Variants in ADGRL1 observed in about 807,000 individuals in gnomAD.
ADGRL1 encodes CIRL-1.
In ADGRL1, 31 loss-of-function variants were observed where a neutral mutation model predicts 148.9. The ratio of observed to expected loss-of-function variants is 0.21; its 90% CI spans 0.16 to 0.28. ADGRL1 has a LOEUF of 0.28. Ranked by LOEUF, ADGRL1 falls within the 10% of genes least tolerant of loss-of-function variation. The pLI is 1.00. For missense variants in ADGRL1, 1,521 were observed against 2,058.8 expected, an observed-to-expected ratio of 0.74 and a Z score of 5.05; for synonymous variants, 937 against 900.3, an observed-to-expected ratio of 1.04 and a Z score of -0.73.
chr19:14,176,546 A>C (rs1386398471), intron 3 of ADGRL1, among the ~76,000 whole-genome samples: 1 of 151,882 alleles, frequency 6.6e-6, no homozygotes, highest in Admixed American at 6.6e-5. Flanking sequence ...GAGCTCTCAA[A>C]TCTGGGATGG....
At chr19:14,199,436 TA>T in intron 1 of ADGRL1, among the ~76,000 whole-genome samples, 2 of 151,738 alleles carry the variant, frequency 1.3e-5, no homozygotes, top group South Asian at 4.2e-4. Context: ...TTTTTTTTTT[TA>T]ATCGTATTTT....
chr19:14,158,317 G>T, intron 12 of ADGRL1, 21 bp downstream of exon 12: 1 of 1,603,370 alleles, frequency 6.2e-7, no homozygotes, highest in Non-Finnish European at 8.5e-7. Flanking sequence ...CCCATGGAGG[G>T]AGGGGGACGG....
chr19:14,156,574 G>GT, intron 16 of ADGRL1, 84 bp downstream of exon 16: 2 of 907,012 alleles, frequency 2.2e-6, no homozygotes, highest in Non-Finnish European at 3.3e-6. Context: ...TGTGGGGGGG[G>GT]TGGGGGGCGG....
rs1568619014 is a variant in ADGRL1 at position 14,184,650 on chromosome 19, T to TTTA, written c.-95-954_-95-953insTAA. ...TATTTATTTATTTATTTATTTATTT[T>TTTA]TTTTTCTGAGACGGAGTCGTGCTCT... is the stretch of plus-strand genomic sequence containing the variant. On this transcript the variant is annotated intron_variant, in intron 1 of 22. Coordinates refer to ENST00000361434, the MANE Select transcript of ADGRL1 (RefSeq NM_014921.5). 1.3e-3 allele frequency among the ~76,000 whole-genome samples: 167 copies of TTTA among 131,314 alleles called. 1 individual carries two copies. The highest frequency in any genetic ancestry group is 8.0e-3 in the South Asian group (35 of 4,360). 86.1% of individuals were successfully genotyped at this position (131,314 alleles called of 152,430 possible).
chr19:14,174,942 A>AT (rs1197610224), intron 3 of ADGRL1, among the ~76,000 whole-genome samples: 2 of 151,182 alleles, frequency 1.3e-5, no homozygotes, highest in Admixed American at 1.3e-4. Context: ...CCCGGGCCCA[A>AT]GTGATCCTCC....
At position 14,155,448 on chromosome 19, in the gene ADGRL1, C is replaced by T; in HGVS notation, c.3205G>A (p.Glu1069Lys). 1 of 1,614,168 alleles carries T rather than the reference C, an allele frequency of 6.2e-7. No homozygotes were observed. Among genetic ancestry groups the T allele is most frequent in the South Asian group, 1.1e-5 (1 of 91,088 alleles). ...AAGAGATAGGCCATGACCACCGACT[C>T]CTTGTTGATGAAGAGGAGGCCGAAA... ...WAFGLLFINK[E>K]SVVMAYLFTT... The change falls in exon 18 of 23, where the codon GAG (glutamate) becomes AAG (lysine). Residue 1069 changes from glutamate (E) to lysine (K), a missense_variant. Glu to Lys is a moderately conservative substitution (Grantham distance 56). Transcript: ENST00000361434. The surrounding 1 kb of genome is among the most constrained non-coding windows in gnomAD (Gnocchi z 5.0).
intron 4 of ADGRL1, chr19:14,169,275 C>G (rs1970266865): frequency 6.6e-6 from 1 of 152,244 alleles, no homozygotes; most frequent in Non-Finnish European, 1.5e-5. Flanking sequence ...CACATGTCAT[C>G]TCATGGACTC....
intron 1 of ADGRL1, among the ~76,000 whole-genome samples, chr19:14,189,624 C>T (rs565834044): frequency 2.0e-5 from 3 of 152,300 alleles, no homozygotes; most frequent in South Asian, 2.1e-4. Flanking sequence ...TTTATGGCTG[C>T]GTAGTATTCC....
intron 1 of ADGRL1, chr19:14,191,456 C>A (rs1032013987): frequency 1.5e-5 from 7 of 456,542 alleles, no homozygotes; most frequent in Non-Finnish European, 3.1e-5. Flanking sequence ...CAGGGTGAAG[C>A]ATCCCTTGTC....
chr19:14,177,782 T>C (rs1970926198), intron 2 of ADGRL1, 38 bp from the exon 3 acceptor site: 1 of 1,569,530 alleles, frequency 6.4e-7, no homozygotes, highest in Non-Finnish European at 8.7e-7. Context: ...CTCCTGGGCC[T>C]GGGCCAGGAA....
rs116592759 is a variant in ADGRL1, at chr19:14,177,262, G to A, written c.284+269C>T. Among the ~76,000 whole-genome samples the A allele has an allele frequency of 6.7e-3, 1,018 of 152,152 alleles. 18 individuals carry two copies. Among genetic ancestry groups the A allele is most frequent in the African/African-American group, 0.024 (979 of 41,518 alleles). On this transcript the variant is annotated intron_variant, in intron 3 of 22. Transcript: ENST00000361434. Reference sequence around the variant, plus strand: ...AAACAAACTGCCCTGGCTAATCTTGGGATGGAAGTTATGGAAGCAAGAGGC... The same window carrying A: ...AAACAAACTGCCCTGGCTAATCTTGAGATGGAAGTTATGGAAGCAAGAGGC...
At chr19:14,172,193 G>C (rs576456141) in intron 3 of ADGRL1, among the ~76,000 whole-genome samples, 1 of 152,122 alleles carries the variant, frequency 6.6e-6, no homozygotes, top group Admixed American at 6.5e-5. Context: ...AGGCCAAGGC[G>C]GGTGGATCAC....
rs1044713100 is a variant in ADGRL1 at position 14,148,597 on chromosome 19, C to A, written c.*2276G>T. ...CAGCCTAGTGCAGTCCGGGAAGGGCCATGGAACTGTCCCTTGCCCTCCTCA... is the reference window on the plus strand; with the variant it reads ...CAGCCTAGTGCAGTCCGGGAAGGGCAATGGAACTGTCCCTTGCCCTCCTCA... On this transcript the variant is annotated 3_prime_UTR_variant, in exon 23 of 23. Coordinates refer to ENST00000361434, the MANE Select transcript of ADGRL1 (RefSeq NM_014921.5). The A allele has an allele frequency of 2.0e-5, 3 of 152,680 alleles. No homozygotes were observed. The highest frequency in any genetic ancestry group is 7.2e-5 in the African/African-American group (3 of 41,456). 9.5% of individuals were successfully genotyped at this position (152,680 alleles called of 1,614,324 possible). A position where few individuals can be genotyped will look rare whatever the true frequency, so the allele number is the denominator to read the frequency against.
In ADGRL1 at chr19:14,150,860, C is replaced by A. The variant is rs754176845; in HGVS notation, c.*13G>T. ...CTGGCCTGGGCCACCAGCCCCTGGT[C>A]CATGAGGTGCCCTCAGAGACTGGTG... On this transcript the variant is annotated 3_prime_UTR_variant, in exon 23 of 23. Transcript: ENST00000361434. 2 of 1,610,122 alleles carry A rather than the reference C, an allele frequency of 1.2e-6. No individual in the cohort carries two copies. Among genetic ancestry groups the A allele is most frequent in the Non-Finnish European group, 1.7e-6 (2 of 1,178,806 alleles).
intron 3 of ADGRL1, among the ~76,000 whole-genome samples, chr19:14,172,505 C>T (rs984947942): frequency 5.3e-5 from 8 of 152,162 alleles, no homozygotes; most frequent in South Asian, 2.1e-4. Flanking sequence ...TTTGGGAGGC[C>T]GTGGTGGATG....
At chr19:14,195,986 C>T (rs1004584913) in intron 1 of ADGRL1, among the ~76,000 whole-genome samples, 4 of 152,114 alleles carry the variant, frequency 2.6e-5, no homozygotes, top group Non-Finnish European at 5.9e-5. Flanking sequence ...CACATCACAT[C>T]CAGCCCCGTC....
intron 3 of ADGRL1, among the ~76,000 whole-genome samples, chr19:14,174,169 T>C (rs1970664671): frequency 6.6e-6 from 1 of 151,906 alleles, no homozygotes. Context: ...AGAGAGATAA[T>C]GGAGAAGAAT....
At chr19:14,202,034 G>C (rs1972646407) in intron 1 of ADGRL1, among the ~76,000 whole-genome samples, 1 of 152,104 alleles carries the variant, frequency 6.6e-6, no homozygotes, top group Admixed American at 6.6e-5. Flanking sequence ...CTCCGTGGCA[G>C]AACAGCCAGT....
chr19:14,181,204 C>T (rs937653320), intron 2 of ADGRL1, among the ~76,000 whole-genome samples: 1 of 152,246 alleles, frequency 6.6e-6, no homozygotes, highest in South Asian at 2.1e-4. Flanking sequence ...ACTTCCCTAA[C>T]TTCACCCCAC....
Sources: allele counts gnomAD v4.1 joint callset (sites outside exome capture counted in the v4.1 genomes callset), GRCh38; gene constraint gnomAD v4.1.1; non-coding constraint Gnocchi (gnomAD v3.1); transcripts MANE v1.5; gene names NCBI Gene and HGNC (gene_info 2026-07-23, HGNC 2026-07-21).